Variants in DNAH5 observed in about 807,000 individuals in gnomAD.
The protein encoded by DNAH5 is dynein axonemal heavy chain 5.
Under a neutral mutation model 518.2 loss-of-function variants are expected in DNAH5, and 372 were observed. The ratio of observed to expected loss-of-function variants is 0.72; its 90% CI spans 0.66 to 0.78. DNAH5 has a LOEUF of 0.78. Ranked by LOEUF, DNAH5 falls within the 30% of genes least tolerant of loss-of-function variation. The pLI is 0.00. For synonymous variants in DNAH5, 2,039 were observed against 2,025.9 expected (o/e 1.01, Z -0.17); for missense variants, 5,523 against 5,687.0 (o/e 0.97, Z 0.93).
At chr5:13,858,817 T>C (rs1480614589) in intron 30 of DNAH5, among the ~76,000 whole-genome samples, 1 of 152,204 alleles carries the variant, frequency 6.6e-6, no homozygotes, top group Admixed American at 6.5e-5. Context: ...AACTGAAATA[T>C]ATTGTTAAAA....
At chr5:13,773,453 G>C (rs1333125410) in intron 55 of DNAH5, among the ~76,000 whole-genome samples, 2 of 152,142 alleles carry the variant, frequency 1.3e-5, no homozygotes, top group Non-Finnish European at 1.5e-5. Flanking sequence ...AGCATGTTCA[G>C]AGGGAAAAGA....
chr5:13,824,463 C>T, intron 38 of DNAH5, 130 bp from the exon 39 acceptor site: 1 of 851,090 alleles, frequency 1.2e-6, no homozygotes, highest in Non-Finnish European at 1.9e-6. Flanking sequence ...TGCATACACA[C>T]AATGGGGTAA....
intron 65 of DNAH5, among the ~76,000 whole-genome samples, chr5:13,743,337 A>C (rs541011959): frequency 6.6e-6 from 1 of 152,138 alleles, no homozygotes; most frequent in Non-Finnish European, 1.5e-5. Context: ...GAAATAGATC[A>C]AAGATCTAAA....
chr5:13,823,450 C>A (rs1447943933), intron 39 of DNAH5, 80 bp from the exon 40 acceptor site: 1 of 906,630 alleles, frequency 1.1e-6, no homozygotes, highest in African/African-American at 1.6e-5. Flanking sequence ...AAATGCCCAA[C>A]ACAGTCCGGG....
In DNAH5 at chr5:13,770,935, T is replaced by G. The variant is rs1753254748; in HGVS notation, c.9419A>C (p.Glu3140Ala). The change falls in exon 56 of 79, where the codon GAA (glutamate) becomes GCA (alanine). Residue 3140 changes from glutamate (E) to alanine (A), a missense_variant. This residue lies in a region of DNAH5 where 5,121 missense variants were observed against 5,223.3 expected (regional missense o/e 0.98). Coordinates refer to ENST00000265104, the MANE Select transcript of DNAH5 (RefSeq NM_001369.3). ...LTSYDIDCSL[E>A]IKKEVVQCMG... ...GCATTGGACCACCTCCTTCTTGATT[T>G]CCAAACTGCAGTCAATATCATAGGA... The G allele has an allele frequency of 1.2e-6, 2 of 1,613,988 alleles. No individual in the cohort carries two copies. Among genetic ancestry groups the G allele is most frequent in the Non-Finnish European group, 1.7e-6 (2 of 1,179,992 alleles).
chr5:13,724,316 A>T (rs903884807), intron 70 of DNAH5, among the ~76,000 whole-genome samples: 1 of 152,248 alleles, frequency 6.6e-6, no homozygotes, highest in East Asian at 1.9e-4. Context: ...TCAGACTTGC[A>T]TAGGGCCTAC....
At chr5:13,870,139 C>T (rs1769871163) in intron 24 of DNAH5, among the ~76,000 whole-genome samples, 1 of 152,072 alleles carries the variant, frequency 6.6e-6, no homozygotes, top group Non-Finnish European at 1.5e-5. Flanking sequence ...ATTTCTTCGA[C>T]CCTCAGTTTC....
intron 12 of DNAH5, among the ~76,000 whole-genome samples, chr5:13,906,433 AT>A (rs1319876176): frequency 2.0e-5 from 3 of 152,224 alleles, no homozygotes; most frequent in Admixed American, 6.5e-5. Flanking sequence ...TTAAAAAGTC[AT>A]TTTTAAAAAA....
At chr5:13,695,154 C>T (rs1242938836) in intron 78 of DNAH5, among the ~76,000 whole-genome samples, 1 of 152,202 alleles carries the variant, frequency 6.6e-6, no homozygotes, top group African/African-American at 2.4e-5. Flanking sequence ...AACTAGAAAC[C>T]TGAGTTCAAT....
chr5:13,913,937 T>C lies in DNAH5; in HGVS notation c.1342A>G (p.Lys448Glu), dbSNP rs1227276816. The C allele has an allele frequency of 1.9e-6, 3 of 1,613,214 alleles. No homozygotes were observed. The highest frequency in any genetic ancestry group is 1.7e-6 in the Non-Finnish European group (2 of 1,179,318). Reference protein sequence around the residue: ...LKQEYQLCFHKTKQKLKQNPN... With the variant: ...LKQEYQLCFHETKQKLKQNPN... Reference sequence around the variant, plus strand: ...TTTTGTTTAAGCTTTTGTTTTGTCTTGTGAAAGCAGAGCTGGTATTCCTTA... The same window carrying C: ...TTTTGTTTAAGCTTTTGTTTTGTCTCGTGAAAGCAGAGCTGGTATTCCTTA... Residue 448 changes from lysine to glutamate, a missense_variant, in exon 11 of 79, where the codon AAG (lysine) becomes GAG (glutamate). Lys to Glu is a moderately conservative substitution (Grantham distance 56). This residue lies in a region of DNAH5 where 5,121 missense variants were observed against 5,223.3 expected (regional missense o/e 0.98). Coordinates refer to ENST00000265104, the MANE Select transcript of DNAH5 (RefSeq NM_001369.3).
In DNAH5 at chr5:13,993,637, G is replaced by A. The variant is rs763447410; in HGVS notation, c.12+18011C>T. 7.2e-5 allele frequency among the ~76,000 whole-genome samples: 11 copies of A among 152,156 alleles called. No homozygotes were observed. In the East Asian group the frequency reaches 1.2e-3, roughly 16 times the overall value. ...TTAAGAGCTTAAGGGCATAAATAACGTGAATCTTATATCCCGTCTTCCAAA... is the reference window on the plus strand; with the variant it reads ...TTAAGAGCTTAAGGGCATAAATAACATGAATCTTATATCCCGTCTTCCAAA... On this transcript the variant is annotated intron_variant, in intron 1 of 78. Transcript: ENST00000681290.
intron 1 of DNAH5, among the ~76,000 whole-genome samples, chr5:13,988,338 G>T (rs1356171082): frequency 6.6e-6 from 1 of 152,164 alleles, no homozygotes; most frequent in Admixed American, 6.5e-5. Flanking sequence ...TTTGAGGAGG[G>T]CTGTGGCTCT....
At chr5:13,900,074 T>C (rs948452282) in intron 15 of DNAH5, 132 bp downstream of exon 15, 4 of 828,814 alleles carry the variant, frequency 4.8e-6, no homozygotes, top group Non-Finnish European at 7.8e-6. Context: ...CTGCACCCCA[T>C]GGCACTGTCC....
chr5:13,904,874 G>A (rs1490748173), intron 12 of DNAH5, among the ~76,000 whole-genome samples: 1 of 151,962 alleles, frequency 6.6e-6, no homozygotes, highest in African/African-American at 2.4e-5. Flanking sequence ...TCGCACCACT[G>A]CACTCCAGCC....
At chr5:13,951,345 T>C (rs1581025992) in intron 1 of DNAH5, among the ~76,000 whole-genome samples, 1 of 149,582 alleles carries the variant, frequency 6.7e-6, no homozygotes, top group East Asian at 2.0e-4. Flanking sequence ...GCTCCCCAAA[T>C]AGCTGGAACC....
At position 13,776,560 on chromosome 5, in the gene DNAH5, A is replaced by T. The variant is rs1318129305; in HGVS notation, c.9252T>A (p.Ile3084=). 2 of 1,613,938 alleles carry T rather than the reference A, an allele frequency of 1.2e-6. No homozygotes were observed. Among genetic ancestry groups the T allele is most frequent in the Non-Finnish European group, 1.7e-6 (2 of 1,179,862 alleles). ...CCCCCACTGGCGAGAAGCAGAGCAC[A>T]ATATGAAGGTTCTGTCGGACCCGAC... ...FMSRVRQNLH[I]VLCFSPVGEK... Residue 3084 remains isoleucine, a synonymous_variant, in exon 55 of 79, where the codon ATT becomes ATA. Coordinates refer to ENST00000265104, the MANE Select transcript of DNAH5 (RefSeq NM_001369.3).
chr5:13,708,147 A>G lies in DNAH5; in HGVS notation c.13314T>C (p.Ala4438=), dbSNP rs917926881. 15 of 1,614,084 alleles carry G rather than the reference A, an allele frequency of 9.3e-6. No individual in the cohort carries two copies. The highest frequency in any genetic ancestry group is 1.3e-5 in the Non-Finnish European group (15 of 1,180,018). ...LRDALDCMFD[A]RIPAWWKKAS... is the part of the protein sequence containing the mutation. ...CTTTTTTCCACCAAGCAGGGATTCT[A>G]GCATCAAACATGCAATCCAATGCAT... is the stretch of plus-strand genomic sequence containing the variant. Residue 4438 remains alanine, a synonymous_variant, in exon 76 of 79, where the codon GCT becomes GCC. Coordinates refer to ENST00000265104, the MANE Select transcript of DNAH5 (RefSeq NM_001369.3).
chr5:13,880,222 G>T (rs943938950), intron 21 of DNAH5, among the ~76,000 whole-genome samples: 1 of 152,120 alleles, frequency 6.6e-6, no homozygotes, highest in Non-Finnish European at 1.5e-5. Context: ...AAAACAAAGG[G>T]ATGGTATAAA....
At chr5:13,726,163 T>C (rs1178428807) in intron 70 of DNAH5, among the ~76,000 whole-genome samples, 1 of 152,188 alleles carries the variant, frequency 6.6e-6, no homozygotes, top group African/African-American at 2.4e-5. Flanking sequence ...CAGAAAGTTG[T>C]CAGGTTGAAA....
Sources: allele counts gnomAD v4.1 joint callset (sites outside exome capture counted in the v4.1 genomes callset), GRCh38; gene constraint gnomAD v4.1.1; regional missense constraint gnomAD v4.1.1; transcripts MANE v1.5; gene names NCBI Gene and HGNC (gene_info 2026-07-23, HGNC 2026-07-21).